SH3D19: variants seen among roughly 807,000 people sequenced by gnomAD.
SH3D19 encodes the protein SH3 domain-containing protein 19.
A neutral mutation model predicts 112.1 loss-of-function variants in SH3D19; 58 were observed. That is an observed-to-expected ratio of 0.52 (90% CI 0.42 to 0.64). SH3D19 has a LOEUF of 0.64. Ranked by LOEUF, SH3D19 falls within the 30% of genes least tolerant of loss-of-function variation. The pLI is 0.00. For missense variants in SH3D19, 1,090 were observed against 1,263.4 expected, an observed-to-expected ratio of 0.86 and a Z score of 2.08; for synonymous variants, 391 against 448.5, an observed-to-expected ratio of 0.87 and a Z score of 1.62.
intron 1 of SH3D19, among the ~76,000 whole-genome samples, chr4:151,299,962 G>A (rs1728204771): frequency 1.3e-5 from 2 of 152,144 alleles, no homozygotes; most frequent in African/African-American, 2.4e-5. Context: ...AGCACTTTGG[G>A]AGGCCAAGGC....
chr4:151,196,402 C>G (rs1763477289), intron 2 of SH3D19, among the ~76,000 whole-genome samples: 1 of 152,118 alleles, frequency 6.6e-6, no homozygotes, highest in Admixed American at 6.6e-5. Flanking sequence ...ACAGCCCAGC[C>G]TGGGCAACAG....
chr4:151,216,744 T>A (rs1767169145), intron 2 of SH3D19, among the ~76,000 whole-genome samples: 1 of 152,200 alleles, frequency 6.6e-6, no homozygotes, highest in South Asian at 2.1e-4. Flanking sequence ...CTAAGTACTA[T>A]GGCAGTGGTA....
Position 151,139,864 on chromosome 4 carries a change from G to A in SH3D19, c.2224-17C>T, listed in dbSNP as rs759294031. The A allele has an allele frequency of 4.3e-6, 7 of 1,613,126 alleles. No homozygotes were observed. In the South Asian group the frequency reaches 6.6e-5, roughly 15 times the overall value. On this transcript the variant is annotated splice_polypyrimidine_tract_variant and intron_variant, in intron 12 of 19. Transcript: ENST00000604030. ...GCTTGGATCCTTAGGGGGAGAAAAG[G>A]GCTGTGAATGAAGTGTGCAGGATAG...
chr4:151,167,900 T>C (rs1758373281), intron 7 of SH3D19, among the ~76,000 whole-genome samples: 2 of 152,112 alleles, frequency 1.3e-5, no homozygotes, highest in African/African-American at 4.8e-5. Flanking sequence ...GTCTGGGAAG[T>C]GAGGCGCGCC....
chr4:151,233,751 C>T (rs1052314958), intron 1 of SH3D19, among the ~76,000 whole-genome samples: 1 of 152,206 alleles, frequency 6.6e-6, no homozygotes, highest in African/African-American at 2.4e-5. Flanking sequence ...GCCTAACGCA[C>T]CCTATCTGAA....
rs771624898 is a variant in SH3D19, at chr4:151,133,140, C to T, written c.2583G>A (p.Val861=). 5.0e-6 allele frequency: 8 copies of T among 1,614,068 alleles called. No individual in the cohort carries two copies. The highest frequency in any genetic ancestry group is 6.8e-6 in the Non-Finnish European group (8 of 1,180,026). The change falls in exon 16 of 20, where the codon GTG becomes GTA. Residue 861 remains valine, a synonymous_variant. Transcript: ENST00000604030. The part of the protein sequence containing the change: ...EGEIIILKEY[V]NEEWARGEVR... ...CTTCTCCTCTGGCCCATTCCTCATT[C>T]ACATACTCTTTAAGAATAATAATTT...
intron 7 of SH3D19, among the ~76,000 whole-genome samples, chr4:151,171,792 G>A (rs535368832): frequency 1.3e-5 from 2 of 152,308 alleles, no homozygotes; most frequent in African/African-American, 4.8e-5. Flanking sequence ...GTGTAATGGG[G>A]CTGATGGCAG....
Position 151,302,428 on chromosome 4 carries a change from T to A in SH3D19, c.112+22813A>T, listed in dbSNP as rs76897296. 9.9e-3 allele frequency among the ~76,000 whole-genome samples: 1,512 copies of A among 152,310 alleles called. 17 individuals are homozygous for A. The highest frequency in any genetic ancestry group is 0.034 in the Middle Eastern group (10 of 294). On this transcript the variant is annotated intron_variant, in intron 1 of 19. Transcript: ENST00000604030. ...TTCAAGTCAAATTTTTCTGGTGATTTGCTAAGAAGAAACCTGATGAAAAAA... is the reference window on the plus strand; with the variant it reads ...TTCAAGTCAAATTTTTCTGGTGATTAGCTAAGAAGAAACCTGATGAAAAAA...
intron 9 of SH3D19, among the ~76,000 whole-genome samples, 159 bp from the exon 10 acceptor site, chr4:151,149,720 C>T (rs1259278938): frequency 6.6e-6 from 1 of 152,100 alleles, no homozygotes; most frequent in African/African-American, 2.4e-5. Context: ...CAATATTAAC[C>T]TATTTCTGCC....
intron 14 of SH3D19, among the ~76,000 whole-genome samples, 156 bp from the exon 15 acceptor site, chr4:151,135,288 C>T (rs544962252): frequency 1.3e-5 from 2 of 152,058 alleles, no homozygotes; most frequent in Admixed American, 6.6e-5. Flanking sequence ...AATGGTAAAA[C>T]AAATCCTGAA....
At chr4:151,157,357 A>G (rs1318495557) in intron 9 of SH3D19, among the ~76,000 whole-genome samples, 2 of 152,022 alleles carry the variant, frequency 1.3e-5, no homozygotes. Flanking sequence ...ACTAATCATC[A>G]GGGAAATTCA....
chr4:151,183,095 G>A lies in SH3D19; in HGVS notation c.194-3698C>T, dbSNP rs560644650. Among the ~76,000 whole-genome samples, 32 of 151,360 alleles carry A rather than the reference G, an allele frequency of 2.1e-4. No homozygotes were observed. The South Asian group carries it at 2.9e-3, about 14-fold the overall frequency. Reference sequence around the variant, plus strand: ...GAACCTCTGCCTTCCAGGTTCAAGCGATTCTCCTGCCTCATCCTTCCTAGT... The same window carrying A: ...GAACCTCTGCCTTCCAGGTTCAAGCAATTCTCCTGCCTCATCCTTCCTAGT... On this transcript the variant is annotated intron_variant, in intron 3 of 19. Transcript: ENST00000604030.
At chr4:151,320,734 AAAAC>A (rs146244590) in intron 1 of SH3D19, among the ~76,000 whole-genome samples, 7,561 of 152,112 alleles carry the variant, frequency 0.05, 590 homozygotes, top group African/African-American at 0.16. Flanking sequence ...TTATACAATG[AAAAC>A]AAACAAACAA....
intron 1 of SH3D19, among the ~76,000 whole-genome samples, chr4:151,302,924 G>A (rs571158712): frequency 1.3e-5 from 2 of 152,068 alleles, no homozygotes; most frequent in African/African-American, 4.8e-5. Context: ...TGTAAATGAC[G>A]AGTTAATGGG....
chr4:151,157,594 T>G (rs890880494), intron 9 of SH3D19, among the ~76,000 whole-genome samples: 1 of 152,186 alleles, frequency 6.6e-6, no homozygotes, highest in Non-Finnish European at 1.5e-5. Context: ...ACTGGGAATT[T>G]ATTCAAAGGA....
intron 1 of SH3D19, among the ~76,000 whole-genome samples, chr4:151,286,600 T>TA (rs200710507): frequency 0.021 from 2,760 of 132,736 alleles, 33 homozygotes; most frequent in South Asian, 0.034. Context: ...CATTTGTGAT[T>TA]AAAAAAAAAA....
At chr4:151,310,453 G>A (rs571891815) in intron 1 of SH3D19, among the ~76,000 whole-genome samples, 3 of 152,182 alleles carry the variant, frequency 2.0e-5, no homozygotes, top group Admixed American at 6.5e-5. Context: ...GTTGTTGATC[G>A]GTGCACTGGT....
At chr4:151,311,423 C>A (rs1413701073) in intron 1 of SH3D19, among the ~76,000 whole-genome samples, 1 of 151,958 alleles carries the variant, frequency 6.6e-6, no homozygotes, top group Admixed American at 6.6e-5. Flanking sequence ...GGAAATCCTG[C>A]CACTTGCGAC....
chr4:151,210,793 TTTTA>T (rs1355779781), intron 2 of SH3D19, among the ~76,000 whole-genome samples: 1 of 152,170 alleles, frequency 6.6e-6, no homozygotes. Flanking sequence ...CTATTAATGA[TTTTA>T]TTTTTTTCTC....
Sources: gnomAD v4.1 joint callset for allele counts (sites outside exome capture counted in the v4.1 genomes callset) on GRCh38, gnomAD v4.1.1 for gene constraint, MANE v1.5 for transcripts, NCBI Gene and HGNC (gene_info 2026-07-23, HGNC 2026-07-21) for gene names.